FNTB: variants seen among roughly 807,000 people sequenced by gnomAD.
FNTB encodes farnesyltransferase, CAAX box, subunit beta, also known as protein farnesyltransferase subunit beta.
Under a neutral mutation model 59.4 loss-of-function variants are expected in FNTB, and 27 were observed. That is an observed-to-expected ratio of 0.45 (90% CI 0.34 to 0.63). FNTB has a LOEUF of 0.63. FNTB is among the 20% of genes least tolerant of loss of function. The pLI, the probability that FNTB is intolerant of heterozygous loss-of-function variation, is 0.02. For synonymous variants in FNTB, 230 were observed against 220.7 expected (o/e 1.04, Z -0.37); for missense variants, 449 against 559.6 (o/e 0.80, Z 1.99).
At chr14:65,056,334 A>T (rs1350840436) in intron 11 of FNTB, among the ~76,000 whole-genome samples, 1 of 152,108 alleles carries the variant, frequency 6.6e-6, no homozygotes, top group Non-Finnish European at 1.5e-5. Context: ...ATTTTTTGCT[A>T]TTACAGTGTT....
chr14:65,044,284 C>T lies in FNTB; in HGVS notation c.823-27C>T. ...GGATTTTGTCTCTTTTAGCCTACAA[C>T]TGCCTTTCCCATCTGTGTCTCCTCA... On this transcript the variant is annotated intron_variant, in intron 8 of 11. Coordinates refer to ENST00000246166, the MANE Select transcript of FNTB (RefSeq NM_002028.4). The surrounding 1 kb of genome is among the most constrained non-coding windows in gnomAD (Gnocchi z 5.5). 6.2e-7 allele frequency: 1 copy of T among 1,611,832 alleles called. No individual in the cohort carries two copies. The highest frequency in any genetic ancestry group is 8.5e-7 in the Non-Finnish European group (1 of 1,179,130).
intron 11 of FNTB, among the ~76,000 whole-genome samples, chr14:65,057,469 CA>C (rs1391260450): frequency 1.3e-5 from 2 of 152,052 alleles, no homozygotes; most frequent in East Asian, 3.9e-4. Context: ...TTGAAGTGGT[CA>C]AATCTATTTG....
Position 65,032,116 on chromosome 14 carries a change from A to T in FNTB, c.606-494A>T, listed in dbSNP as rs1053038502. 9.2e-5 allele frequency among the ~76,000 whole-genome samples: 14 copies of T among 151,738 alleles called. No homozygotes were observed. Among genetic ancestry groups the T allele is most frequent in the African/African-American group, 3.4e-4 (14 of 41,260 alleles). On this transcript the variant is annotated intron_variant, in intron 6 of 11. Transcript: ENST00000246166. The surrounding 1 kb of genome is among the most constrained non-coding windows in gnomAD (Gnocchi z 5.0). ...ACCTGTTCCTATCCTTGTTTGATCTATTACAATTTGGTGGCCTGTTTTGCA... is the reference window on the plus strand; with the variant it reads ...ACCTGTTCCTATCCTTGTTTGATCTTTTACAATTTGGTGGCCTGTTTTGCA...
intron 4 of FNTB, 40 bp downstream of exon 4, chr14:65,015,756 T>C: frequency 1.3e-6 from 2 of 1,597,606 alleles, no homozygotes; most frequent in Non-Finnish European, 1.7e-6. Context: ...TTCTCTGAAA[T>C]TGTATTTTGA....
In FNTB at chr14:65,014,950, A is replaced by G. The variant is rs557549626; in HGVS notation, c.283-675A>G. On this transcript the variant is annotated intron_variant, in intron 3 of 11. Transcript: ENST00000246166. This position sits in a 1 kb window ranked among gnomAD's most constrained non-coding sequence, Gnocchi z 5.1. ...GCTAGGAAATCTCTTCAGAGAATGT[A>G]TATCTCCTTGGTTCTATACCGAGAA... Among the ~76,000 whole-genome samples, 14 of 152,238 alleles carry G rather than the reference A, an allele frequency of 9.2e-5. No homozygotes were observed. Among genetic ancestry groups the G allele is most frequent in the Admixed American group, 3.9e-4 (6 of 15,294 alleles).
intron 10 of FNTB, among the ~76,000 whole-genome samples, chr14:65,053,625 T>TAAAAAAAAAACAAACA (rs201558638): frequency 1.4e-5 from 2 of 146,246 alleles, no homozygotes; most frequent in African/African-American, 5.4e-5. Flanking sequence ...CTTCTTTTTT[T>TAAAAAAAAAACAAACA]TAAAAAAAAC....
intron 11 of FNTB, among the ~76,000 whole-genome samples, chr14:65,055,541 A>T (rs777440017): frequency 6.6e-6 from 1 of 151,728 alleles, no homozygotes; most frequent in East Asian, 1.9e-4. Context: ...TTGTGAGACA[A>T]AGTCTCACTC....
intron 2 of FNTB, among the ~76,000 whole-genome samples, chr14:65,006,914 A>T (rs905955118): frequency 1.3e-5 from 2 of 152,130 alleles, no homozygotes; most frequent in African/African-American, 4.8e-5. Flanking sequence ...AAATCCCCTG[A>T]TTCATAGCTG....
At chr14:65,055,541 A>G (rs777440017) in intron 11 of FNTB, among the ~76,000 whole-genome samples, 3 of 151,728 alleles carry the variant, frequency 2.0e-5, no homozygotes, top group East Asian at 1.9e-4. Flanking sequence ...TTGTGAGACA[A>G]AGTCTCACTC....
Position 65,032,602 on chromosome 14 carries a change from C to G in FNTB, c.606-8C>G. The G allele has an allele frequency of 6.2e-7, 1 of 1,613,108 alleles. No individual in the cohort carries two copies. On this transcript the variant is annotated splice_region_variant and splice_polypyrimidine_tract_variant and intron_variant, in intron 6 of 11. Coordinates refer to ENST00000246166, the MANE Select transcript of FNTB (RefSeq NM_002028.4). This position sits in a 1 kb window ranked among gnomAD's most constrained non-coding sequence, Gnocchi z 5.0. ...AGCTTAATGTGTTTCCCGTTTCTGTCTTTCCAGAAGCGCATACTGTGCTGC... is the reference window on the plus strand; with the variant it reads ...AGCTTAATGTGTTTCCCGTTTCTGTGTTTCCAGAAGCGCATACTGTGCTGC...
chr14:65,033,109 C>T (rs927239612), intron 7 of FNTB, among the ~76,000 whole-genome samples: 1 of 152,040 alleles, frequency 6.6e-6, no homozygotes, highest in Non-Finnish European at 1.5e-5. Context: ...ATTCAGTGCT[C>T]ATAAGCACGA....
rs1442356190 is a variant in FNTB, at chr14:65,028,428, T to G, written c.605+647T>G. Among the ~76,000 whole-genome samples, 6 of 152,256 alleles carry G rather than the reference T, an allele frequency of 3.9e-5. No homozygotes were observed. Among genetic ancestry groups the G allele is most frequent in the Non-Finnish European group, 5.9e-5 (4 of 68,046 alleles). Reference sequence around the variant, plus strand: ...TAAGCCATTTCTCTAAGACAGTGGCTTATTGAGATTTTATGCCATTTTCTT... The same window carrying G: ...TAAGCCATTTCTCTAAGACAGTGGCGTATTGAGATTTTATGCCATTTTCTT... On this transcript the variant is annotated intron_variant, in intron 6 of 11. Coordinates refer to ENST00000246166, the MANE Select transcript of FNTB (RefSeq NM_002028.4). This position sits in a 1 kb window ranked among gnomAD's most constrained non-coding sequence, Gnocchi z 4.4.
At chr14:65,006,675 A>C (rs2061598698) in intron 2 of FNTB, among the ~76,000 whole-genome samples, 2 of 152,182 alleles carry the variant, frequency 1.3e-5, no homozygotes, top group South Asian at 4.1e-4. Context: ...GGGGACACAC[A>C]GCCTCTGTTT....
Position 65,009,664 on chromosome 14 carries a change from G to T in FNTB, c.210-2653G>T, listed in dbSNP as rs2061654264. On this transcript the variant is annotated intron_variant, in intron 2 of 11. Transcript: ENST00000246166. The surrounding 1 kb of genome is among the most constrained non-coding windows in gnomAD (Gnocchi z 4.2). ...CCCTATGGATTTCCTCTGAGCTTTTGCATTTCTAATGTGGAATTTCTCTGC... is the reference window on the plus strand; with the variant it reads ...CCCTATGGATTTCCTCTGAGCTTTTTCATTTCTAATGTGGAATTTCTCTGC... 6.6e-6 allele frequency among the ~76,000 whole-genome samples: 1 copy of T among 152,010 alleles called. No individual in the cohort carries two copies. The highest frequency in any genetic ancestry group is 1.5e-5 in the Non-Finnish European group (1 of 67,998).
intron 7 of FNTB, among the ~76,000 whole-genome samples, chr14:65,035,473 T>C (rs2062167332): frequency 6.6e-6 from 1 of 152,168 alleles, no homozygotes; most frequent in Non-Finnish European, 1.5e-5. Context: ...TGGGTTTGAA[T>C]CCCAGTTTTG....
At chr14:65,006,979 G>A (rs2061604908) in intron 2 of FNTB, among the ~76,000 whole-genome samples, 1 of 152,168 alleles carries the variant, frequency 6.6e-6, no homozygotes, top group South Asian at 2.1e-4. Flanking sequence ...TCGGATCCTT[G>A]TGGAAATAGA....
At position 65,007,991 on chromosome 14, in the gene FNTB, G is replaced by A. The variant is rs1281941408; in HGVS notation, c.209+3678G>A. 6.6e-6 allele frequency among the ~76,000 whole-genome samples: 1 copy of A among 152,152 alleles called. No homozygotes were observed. The highest frequency in any genetic ancestry group is 1.5e-5 in the Non-Finnish European group (1 of 68,028). On this transcript the variant is annotated intron_variant, in intron 2 of 11. Coordinates refer to ENST00000246166, the MANE Select transcript of FNTB (RefSeq NM_002028.4). This position sits in a 1 kb window ranked among gnomAD's most constrained non-coding sequence, Gnocchi z 4.9. ...AGTCCTCAAAGCAGGTCTCTCACAG[G>A]CACCAGCTTAGCTCCCGTGTTTTCT... is the stretch of plus-strand genomic sequence containing the variant.
intron 1 of FNTB, among the ~76,000 whole-genome samples, chr14:65,002,257 C>T (rs780911432): frequency 2.6e-5 from 4 of 152,236 alleles, no homozygotes; most frequent in African/African-American, 9.6e-5. Flanking sequence ...TACAGGAGCT[C>T]TCCCATGAGA....
At position 65,044,506 on chromosome 14, in the gene FNTB, G is replaced by A; in HGVS notation, c.955+63G>A. On this transcript the variant is annotated intron_variant, in intron 9 of 11. Coordinates refer to ENST00000246166, the MANE Select transcript of FNTB (RefSeq NM_002028.4). The surrounding 1 kb of genome is among the most constrained non-coding windows in gnomAD (Gnocchi z 5.5). ...TTCCCTCCACTACTCACAAAGTCTG[G>A]AAGCCCAGCGTGCTTTTTTAGAGGG... 1.9e-6 allele frequency: 3 copies of A among 1,555,896 alleles called. No homozygotes were observed. In the South Asian group the frequency reaches 3.7e-5, roughly 19 times the overall value.
Sources: gnomAD v4.1 joint callset for allele counts (sites outside exome capture counted in the v4.1 genomes callset) on GRCh38, gnomAD v4.1.1 for gene constraint, Gnocchi (gnomAD v3.1) non-coding constraint, MANE v1.5 for transcripts, NCBI Gene and HGNC (gene_info 2026-07-23, HGNC 2026-07-21) for gene names.